FLT4: variants seen among roughly 807,000 people sequenced by gnomAD.
The protein encoded by FLT4 is vascular endothelial growth factor receptor 3.
In FLT4, 30 loss-of-function variants were observed where a neutral mutation model predicts 163.2. The observed-to-expected ratio is 0.18, with a 90% CI of 0.14 to 0.25. FLT4 has a LOEUF of 0.25. Among genes scored for constraint, FLT4 ranks in the 10% least tolerant of loss-of-function variants. The pLI is 1.00. For missense variants in FLT4, 1,510 were observed against 1,863.8 expected (o/e 0.81, Z 3.50); for synonymous variants, 884 against 789.5 (o/e 1.12, Z -2.01).
chr5:180,624,178 G>A (rs891153950), intron 10 of FLT4, 117 bp from the exon 11 acceptor site: 54 of 1,247,430 alleles, frequency 4.3e-5, no homozygotes, highest in Non-Finnish European at 5.9e-5. Flanking sequence ...GGTCGTGGGC[G>A]AGGCTGGCCC....
intron 6 of FLT4, 33 bp downstream of exon 6, chr5:180,629,663 G>C (rs1364257069): frequency 1.9e-6 from 3 of 1,605,344 alleles, no homozygotes; most frequent in Middle Eastern, 1.6e-4. Context: ...GACTCCTGGG[G>C]ACAGGACAGC....
At chr5:180,648,349 G>C (rs1158081308) in intron 1 of FLT4, among the ~76,000 whole-genome samples, 1 of 152,184 alleles carries the variant, frequency 6.6e-6, no homozygotes, top group East Asian at 1.9e-4. Context: ...GGCAGGCTTT[G>C]TCAGGCTTAC....
chr5:180,603,953 C>T (rs1581598351), intron 29 of FLT4, among the ~76,000 whole-genome samples: 3 of 151,634 alleles, frequency 2.0e-5, no homozygotes, highest in East Asian at 3.9e-4. Flanking sequence ...TTCAGTGAGC[C>T]AAGATCGTGC....
At chr5:180,627,223 G>A (rs1763692888) in intron 8 of FLT4, among the ~76,000 whole-genome samples, 1 of 152,206 alleles carries the variant, frequency 6.6e-6, no homozygotes, top group South Asian at 2.1e-4. Flanking sequence ...TGTGTCCTGG[G>A]AGAGGCACAG....
Position 180,620,571 on chromosome 5 carries a change from TGA to T in FLT4, c.2406+36_2406+37del. 6.7e-7 allele frequency: 1 copy of T among 1,501,006 alleles called. No homozygotes were observed. The highest frequency in any genetic ancestry group is 9.3e-7 in the Non-Finnish European group (1 of 1,078,820). 93.0% of individuals were successfully genotyped at this position (1,501,006 alleles called of 1,614,324 possible). A position where few individuals can be genotyped will look rare whatever the true frequency, so the allele number is the denominator to read the frequency against. On this transcript the variant is annotated intron_variant, in intron 16 of 29. Transcript: ENST00000261937. The surrounding 1 kb of genome is among the most constrained non-coding windows in gnomAD (Gnocchi z 4.4). ...AGGGGCGGCCAGGGTGGGGAAGGCC[TGA>T]GAGAGACTCCATCAGGAGCGGGGAG...
intron 11 of FLT4, 87 bp from the exon 12 acceptor site, chr5:180,622,926 C>CA (rs1044014703): frequency 1.2e-5 from 6 of 506,186 alleles, no homozygotes; most frequent in South Asian, 9.1e-5. Flanking sequence ...TCGCTGTGCA[C>CA]CACCCCCCCC....
chr5:180,618,629 G>T, intron 21 of FLT4, 141 bp downstream of exon 21: 2 of 846,440 alleles, frequency 2.4e-6, no homozygotes, highest in Non-Finnish European at 3.7e-6. Flanking sequence ...TGTCCCCGAG[G>T]TGTCTTCCCT....
In FLT4 at chr5:180,638,745, C is replaced by A. The variant is rs140712731; in HGVS notation, c.59-6967G>T. Among the ~76,000 whole-genome samples the A allele has an allele frequency of 2.7e-3, 405 of 152,324 alleles. 3 individuals are homozygous for A. The highest frequency in any genetic ancestry group is 5.4e-3 in the South Asian group (26 of 4,828). On this transcript the variant is annotated intron_variant, in intron 1 of 29. Transcript: ENST00000261937. ...TCACGCTAAGGACTCAGCTTAGACA[C>A]GGCCTCCTCACCCCTACAAAATGGC...
At position 180,630,362 on chromosome 5, in the gene FLT4, G is replaced by T; in HGVS notation, c.401-25C>A. ...TCTATGGAGAGGGAGCAAGCTGTTGGGGAAGGGACGTGGCGGCCAGGCTGG... is the reference window on the plus strand; with the variant it reads ...TCTATGGAGAGGGAGCAAGCTGTTGTGGAAGGGACGTGGCGGCCAGGCTGG... On this transcript the variant is annotated intron_variant, in intron 3 of 29. Transcript: ENST00000261937. This position sits in a 1 kb window ranked among gnomAD's most constrained non-coding sequence, Gnocchi z 6.3. The T allele has an allele frequency of 6.3e-7, 1 of 1,597,814 alleles. No homozygotes were observed. The highest frequency in any genetic ancestry group is 8.5e-7 in the Non-Finnish European group (1 of 1,173,566).
rs779186080 is a variant in FLT4 at position 180,611,417 on chromosome 5, C to A, written c.3600G>T (p.Ser1200=). 2.5e-6 allele frequency: 4 copies of A among 1,613,990 alleles called. No homozygotes were observed. The highest frequency in any genetic ancestry group is 2.2e-5 in the East Asian group (1 of 44,862). Residue 1200 remains serine (S), a synonymous_variant, in exon 27 of 30, where the codon TCG becomes TCT. Transcript: ENST00000261937. ...SSQSSEEGSF[S]QVSTMALHIA... ...TGTGTAGGGCCATGGTGGACACCTG[C>A]GAGAAGCTGCCCTCTTCTGAGCTCT...
chr5:180,621,382 C>G (rs567748898), intron 13 of FLT4, 130 bp from the exon 14 acceptor site: 2 of 1,397,676 alleles, frequency 1.4e-6, no homozygotes, highest in African/African-American at 1.4e-5. Flanking sequence ...GGCAGGAGCG[C>G]GGCGCGCCTC....
intron 2 of FLT4, among the ~76,000 whole-genome samples, chr5:180,631,239 T>C (rs186402023): frequency 0.039 from 5,864 of 151,180 alleles, 185 homozygotes; most frequent in Admixed American, 0.087. Context: ...TTTGGGAGGC[T>C]GAGGTGGGTG....
At chr5:180,619,179 C>G in intron 19 of FLT4, 70 bp from the exon 20 acceptor site, 1 of 1,281,018 alleles carries the variant, frequency 7.8e-7, no homozygotes, top group Non-Finnish European at 1.0e-6. Context: ...TCCGCGTTTG[C>G]ACCCGCGCCC....
chr5:180,634,827 T>G (rs1581690846), intron 1 of FLT4, among the ~76,000 whole-genome samples: 1 of 43,750 alleles, frequency 2.3e-5, no homozygotes, highest in South Asian at 8.9e-4. Context: ...GGTGGGTGGG[T>G]GGGAGGATGG....
At chr5:180,631,106 G>T (rs961505061) in intron 2 of FLT4, among the ~76,000 whole-genome samples, 2 of 152,092 alleles carry the variant, frequency 1.3e-5, no homozygotes, top group Admixed American at 1.3e-4. Flanking sequence ...GGATGCAGAT[G>T]ACCTGGGAGG....
At position 180,630,349 on chromosome 5, in the gene FLT4, G is replaced by C. The variant is rs1260858505; in HGVS notation, c.401-12C>G. The C allele has an allele frequency of 6.2e-7, 1 of 1,605,416 alleles. No individual in the cohort carries two copies. ...TGGCTGCTCAAAGTCTATGGAGAGG[G>C]AGCAAGCTGTTGGGGAAGGGACGTG... On this transcript the variant is annotated splice_polypyrimidine_tract_variant and intron_variant, in intron 3 of 29. Transcript: ENST00000261937. This position sits in a 1 kb window ranked among gnomAD's most constrained non-coding sequence, Gnocchi z 6.3.
At chr5:180,649,299 C>T (rs1012210468) in intron 1 of FLT4, among the ~76,000 whole-genome samples, 189 bp downstream of exon 1, 1 of 151,872 alleles carries the variant, frequency 6.6e-6, no homozygotes, top group African/African-American at 2.4e-5. Context: ...CTGCGGTCCC[C>T]GCCCGCCCCT....
In FLT4 at chr5:180,621,603, G is replaced by A. The variant is rs373635248; in HGVS notation, c.1959C>T (p.Cys653=). Reference sequence around the variant, plus strand: ...CATGGCTGCGCCGGTCTTGCACTTCGCACACATAGTGGCCCTCGTGCTCGG... The same window carrying A: ...CATGGCTGCGCCGGTCTTGCACTTCACACACATAGTGGCCCTCGTGCTCGG... ...VAPEHEGHYV[C]EVQDRRSHDK... is the part of the protein sequence containing the mutation. The change falls in exon 13 of 30, where the codon TGC becomes TGT. Residue 653 remains cysteine, a synonymous_variant. Transcript: ENST00000261937. The A allele has an allele frequency of 2.1e-5, 34 of 1,609,140 alleles. 1 individual carries two copies. In the African/African-American group the frequency reaches 4.0e-4, roughly 19 times the overall value.
Position 180,618,813 on chromosome 5 carries a change from C to G in FLT4, c.2958G>C (p.Ser986=). The G allele has an allele frequency of 6.3e-7, 1 of 1,586,278 alleles. No individual in the cohort carries two copies. Among genetic ancestry groups the G allele is most frequent in the Non-Finnish European group, 8.6e-7 (1 of 1,167,058 alleles). ...CCCGCCTCGCTCCGCCCTCGGTCTT[C>G]GAGAACCGCGCGAAGAGGACCCTGT... ...SSDRVLFARF[S]KTEGGARRAS... The change falls in exon 21 of 30, where the codon TCG becomes TCC. Residue 986 remains serine (S), a synonymous_variant. Coordinates refer to ENST00000261937, the MANE Select transcript of FLT4 (RefSeq NM_182925.5).
Sources: gnomAD v4.1 joint callset for allele counts (sites outside exome capture counted in the v4.1 genomes callset) on GRCh38, gnomAD v4.1.1 for gene constraint, Gnocchi (gnomAD v3.1) non-coding constraint, MANE v1.5 for transcripts, NCBI Gene and HGNC (gene_info 2026-07-23, HGNC 2026-07-21) for gene names.